RAB10: variants seen among roughly 807,000 people sequenced by gnomAD.
The protein encoded by RAB10 is RAB10, member RAS oncogene family.
Under a neutral mutation model 25.7 loss-of-function variants are expected in RAB10, and 5 were observed. The ratio of observed to expected loss-of-function variants is 0.19; its 90% CI spans 0.10 to 0.41. RAB10 has a LOEUF of 0.41. Ranked by LOEUF, RAB10 falls within the 10% of genes least tolerant of loss-of-function variation. The pLI is 1.00. For synonymous variants in RAB10, 89 were observed against 86.4 expected (o/e 1.03, Z -0.16); for missense variants, 103 against 245.8 (o/e 0.42, Z 3.89).
intron 1 of RAB10, 97 bp from the exon 2 acceptor site, chr2:26,098,565 A>G: frequency 1.2e-6 from 1 of 853,514 alleles, no homozygotes; most frequent in Non-Finnish European, 1.9e-6. Context: ...ACAAACACAG[A>G]CAAGTTTAAA....
chr2:26,034,919 C>A (rs768393984), intron 1 of RAB10, among the ~76,000 whole-genome samples, 184 bp downstream of exon 1: 12 of 152,190 alleles, frequency 7.9e-5, no homozygotes, highest in Non-Finnish European at 1.8e-4. Flanking sequence ...TGATTTCCAT[C>A]CGGTCTTTTG....
At chr2:26,047,906 A>C (rs1301025056) in intron 1 of RAB10, among the ~76,000 whole-genome samples, 1 of 150,776 alleles carries the variant, frequency 6.6e-6, no homozygotes, top group Non-Finnish European at 1.5e-5. Flanking sequence ...TTGTATTTTT[A>C]GTGGAGACGA....
intron 1 of RAB10, among the ~76,000 whole-genome samples, chr2:26,047,662 C>T (rs1478465545): frequency 6.6e-6 from 1 of 150,440 alleles, no homozygotes; most frequent in African/African-American, 2.4e-5. Context: ...GGTGATCTGC[C>T]TTGCCTGCCT....
intron 3 of RAB10, among the ~76,000 whole-genome samples, chr2:26,112,055 C>G (rs1667583426): frequency 6.6e-6 from 1 of 152,172 alleles, no homozygotes; most frequent in South Asian, 2.1e-4. Context: ...AATTCAGGAA[C>G]AGCCAAATGG....
In RAB10 at chr2:26,108,879, A is replaced by ATATTTATT. The variant is rs72232011; in HGVS notation, c.189-847_189-840dup. ...GGTTGAGATTGGGGTCTTTTGCTTTATATTTATTTATTTATTTATTTATTT... is the reference window on the plus strand; with the variant it reads ...GGTTGAGATTGGGGTCTTTTGCTTTATATTTATTTATTTATTTATTTATTTATTTATTT... On this transcript the variant is annotated intron_variant, in intron 2 of 5. Coordinates refer to ENST00000264710, the MANE Select transcript of RAB10 (RefSeq NM_016131.5). Among the ~76,000 whole-genome samples, 182 of 139,630 alleles carry ATATTTATT rather than the reference A, an allele frequency of 1.3e-3. 1 individual carries two copies. The highest frequency in any genetic ancestry group is 0.01 in the East Asian group (49 of 4,896). The allele number at this position is 139,630 out of a possible 152,430, so 91.6% of individuals were successfully genotyped here.
At position 26,127,426 on chromosome 2, in the gene RAB10, A is replaced by G. The variant is rs186622891; in HGVS notation, c.417+193A>G. ...ATATTTAACATGTATGGGAGAATCA[A>G]ATGTGCCCATAGTATTTTTAGCCTT... On this transcript the variant is annotated intron_variant, in intron 4 of 5. Transcript: ENST00000264710. The G allele has an allele frequency of 1.5e-3, 803 of 546,086 alleles. 5 individuals carry two copies. The highest frequency in any genetic ancestry group is 0.014 in the Middle Eastern group (28 of 2,060). 33.8% of individuals were successfully genotyped at this position (546,086 alleles called of 1,614,324 possible).
At position 26,116,511 on chromosome 2, in the gene RAB10, A is replaced by G. The variant is rs182397954; in HGVS notation, c.327+6605A>G. 4.5e-3 allele frequency among the ~76,000 whole-genome samples: 653 copies of G among 144,938 alleles called. 1 individual carries two copies. Among genetic ancestry groups the G allele is most frequent in the Middle Eastern group, 0.026 (7 of 268 alleles). On this transcript the variant is annotated intron_variant, in intron 3 of 5. Transcript: ENST00000264710. ...TCCTGGAACCAATCAGCCATTCCCCATGGAGACTGTATTTCTTTTCTTTCT... is the reference window on the plus strand; with the variant it reads ...TCCTGGAACCAATCAGCCATTCCCCGTGGAGACTGTATTTCTTTTCTTTCT...
chr2:26,116,711 C>T (rs960830342), intron 3 of RAB10, among the ~76,000 whole-genome samples: 2 of 151,950 alleles, frequency 1.3e-5, no homozygotes, highest in East Asian at 1.9e-4. Flanking sequence ...CACCCGCCAC[C>T]GCACCCAGCT....
At chr2:26,109,232 G>A (rs1231782993) in intron 2 of RAB10, among the ~76,000 whole-genome samples, 1 of 151,928 alleles carries the variant, frequency 6.6e-6, no homozygotes, top group African/African-American at 2.4e-5. Context: ...TTTTAAAAAA[G>A]ATACTAAAAC....
chr2:26,117,117 A>G (rs77604822), intron 3 of RAB10, among the ~76,000 whole-genome samples: 2,332 of 152,300 alleles, frequency 0.015, 41 homozygotes, highest in African/African-American at 0.041. Flanking sequence ...TTCTGTGGAC[A>G]AATACGTTAA....
At chr2:26,092,886 G>A (rs139169660) in intron 1 of RAB10, among the ~76,000 whole-genome samples, 47 of 152,262 alleles carry the variant, frequency 3.1e-4, no homozygotes, top group Non-Finnish European at 1.6e-4. Context: ...TAGAAGTAGG[G>A]TTAGGTTAAA....
intron 3 of RAB10, among the ~76,000 whole-genome samples, chr2:26,110,338 CAAA>C (rs11403502): frequency 5.7e-5 from 7 of 123,690 alleles, no homozygotes; most frequent in Admixed American, 1.7e-4. Flanking sequence ...ACTCCGTCTC[CAAA>C]AAAAAAAAAA....
intron 1 of RAB10, among the ~76,000 whole-genome samples, chr2:26,081,292 T>C (rs538747015): frequency 1.1e-4 from 17 of 152,176 alleles, no homozygotes; most frequent in Admixed American, 3.3e-4. Context: ...AATAGATCTG[T>C]TCATAGTTTG....
intron 1 of RAB10, among the ~76,000 whole-genome samples, chr2:26,084,559 C>G (rs1425530302): frequency 2.0e-5 from 3 of 152,058 alleles, no homozygotes; most frequent in Admixed American, 6.5e-5. Flanking sequence ...CATGGTATAC[C>G]AAGTACATTA....
rs574960202 is a variant in RAB10, at chr2:26,047,847, C to T, written c.127+13112C>T. ...CAAACGATTCTCCTGCCACAGCCTC[C>T]CAAGTAGCTGGGACTACAGGCATGC... On this transcript the variant is annotated intron_variant, in intron 1 of 5. Coordinates refer to ENST00000264710, the MANE Select transcript of RAB10 (RefSeq NM_016131.5). Among the ~76,000 whole-genome samples the T allele has an allele frequency of 1.4e-3, 215 of 151,778 alleles. 1 individual carries two copies. Among genetic ancestry groups the T allele is most frequent in the African/African-American group, 5.0e-3 (208 of 41,378 alleles).
chr2:26,056,668 C>A (rs1666274155), intron 1 of RAB10, among the ~76,000 whole-genome samples: 1 of 152,094 alleles, frequency 6.6e-6, no homozygotes, highest in South Asian at 2.1e-4. Flanking sequence ...AGGTCTGTCA[C>A]CCTGGCTAGA....
intron 1 of RAB10, among the ~76,000 whole-genome samples, chr2:26,092,492 T>C (rs1667130544): frequency 6.6e-6 from 1 of 152,056 alleles, no homozygotes; most frequent in Non-Finnish European, 1.5e-5. Flanking sequence ...AACCTCCAAA[T>C]TTAAAAGGTT....
chr2:26,131,047 G>A (rs1009429587), intron 5 of RAB10, among the ~76,000 whole-genome samples: 22 of 68,292 alleles, frequency 3.2e-4, no homozygotes, highest in South Asian at 9.6e-4. Flanking sequence ...TTTTTTTTTT[G>A]AATAGTGCTA....
intron 1 of RAB10, among the ~76,000 whole-genome samples, chr2:26,061,858 G>T (rs1320425283): frequency 6.8e-6 from 1 of 146,224 alleles, no homozygotes; most frequent in Non-Finnish European, 1.5e-5. Flanking sequence ...CTGGGCTCAA[G>T]TGCTCCTCCT....
Sources: allele counts gnomAD v4.1 joint callset (sites outside exome capture counted in the v4.1 genomes callset), GRCh38; gene constraint gnomAD v4.1.1; transcripts MANE v1.5; gene names NCBI Gene and HGNC (gene_info 2026-07-23, HGNC 2026-07-21).